Variants in TBC1D8 observed in about 807,000 individuals in gnomAD.
The protein encoded by TBC1D8 is TBC1 domain family member 8, also known as BUB2-like protein 1.
A neutral mutation model predicts 118.8 loss-of-function variants in TBC1D8; 65 were observed. That is an observed-to-expected ratio of 0.55 (90% CI 0.45 to 0.67). The LOEUF is 0.67. Ranked by LOEUF, TBC1D8 falls within the 30% of genes least tolerant of loss-of-function variation. The probability of loss-of-function intolerance (pLI) is 0.00; values close to 1 mark genes in which losing one functional copy is unlikely to be tolerated. For synonymous variants in TBC1D8, 566 were observed against 595.8 expected (o/e 0.95, Z 0.73); for missense variants, 1,376 against 1,471.2 (o/e 0.94, Z 1.06).
chr2:101,118,113 T>C (rs1339439148), intron 1 of TBC1D8, among the ~76,000 whole-genome samples: 1 of 152,072 alleles, frequency 6.6e-6, no homozygotes, highest in Non-Finnish European at 1.5e-5. Context: ...CTGAGCTCCC[T>C]TCAACATGGG....
At position 101,032,352 on chromosome 2, in the gene TBC1D8, A is replaced by ACAG; in HGVS notation, c.1849_1851dup (p.Leu617dup). 6.2e-7 allele frequency: 1 copy of ACAG among 1,613,858 alleles called. No homozygotes were observed. The highest frequency in any genetic ancestry group is 8.5e-7 in the Non-Finnish European group (1 of 1,179,760). ...CAGAAGGCTTCCTCCTCCTTGGTGT[A>ACAG]CAGCAGCAGCACGGAGGTCAGGATG... On this transcript the variant is annotated inframe_insertion, in exon 11 of 20. Coordinates refer to ENST00000409318, the MANE Select transcript of TBC1D8 (RefSeq NM_001330348.2).
At chr2:101,111,463 G>A (rs1213107980) in intron 1 of TBC1D8, among the ~76,000 whole-genome samples, 1 of 152,204 alleles carries the variant, frequency 6.6e-6, no homozygotes, top group African/African-American at 2.4e-5. Flanking sequence ...GCCTGAGTGT[G>A]TGCGCGAGTG....
At chr2:101,092,097 A>G (rs1448723264) in intron 1 of TBC1D8, among the ~76,000 whole-genome samples, 2 of 152,254 alleles carry the variant, frequency 1.3e-5, no homozygotes, top group Admixed American at 6.5e-5. Flanking sequence ...TCCTTTTGCT[A>G]CAATGGATCC....
At chr2:101,019,218 C>T (rs1679876820) in intron 17 of TBC1D8, 1 of 634,680 alleles carries the variant, frequency 1.6e-6, no homozygotes. Context: ...TGTCTTCTGC[C>T]CTTGCCTCTT....
rs1423013310 is a variant in TBC1D8 at position 101,151,379 on chromosome 2, C to G, written c.-126G>C. 1 of 947,910 alleles carries G rather than the reference C, an allele frequency of 1.1e-6. No individual in the cohort carries two copies. The highest frequency in any genetic ancestry group is 1.8e-5 in the African/African-American group (1 of 55,936). The allele number at this position is 947,910 out of a possible 1,614,324, so 58.7% of individuals were successfully genotyped here. A position where few individuals can be genotyped will look rare whatever the true frequency, so the allele number is the denominator to read the frequency against. The stretch of plus-strand genomic sequence containing the variant: ...ACCACAGCCCGGCCGGTGCCCAGCG[C>G]TCTGAGAGCCCGCGGAGCGCAGCAG... On this transcript the variant is annotated 5_prime_UTR_variant, in exon 1 of 20. Coordinates refer to ENST00000409318, the MANE Select transcript of TBC1D8 (RefSeq NM_001330348.2).
intron 2 of TBC1D8, among the ~76,000 whole-genome samples, chr2:101,089,868 G>A (rs1675901685): frequency 6.6e-6 from 1 of 150,958 alleles, no homozygotes; most frequent in Admixed American, 6.6e-5. Context: ...ATGAAAGCCT[G>A]GCATGCCCAA....
At chr2:101,021,315 G>T (rs1163074561) in intron 17 of TBC1D8, among the ~76,000 whole-genome samples, 1 of 152,176 alleles carries the variant, frequency 6.6e-6, no homozygotes, top group Non-Finnish European at 1.5e-5. Flanking sequence ...ACATGAAATG[G>T]TTCTTCAGAT....
intron 17 of TBC1D8, among the ~76,000 whole-genome samples, chr2:101,020,765 G>A (rs1679983350): frequency 1.3e-5 from 2 of 152,180 alleles, no homozygotes. Context: ...GCTGCTCTGA[G>A]TAATATTTTG....
chr2:101,123,299 G>C (rs1574065332), intron 1 of TBC1D8, among the ~76,000 whole-genome samples: 1 of 152,132 alleles, frequency 6.6e-6, no homozygotes, highest in East Asian at 1.9e-4. Context: ...AATTGGACTT[G>C]CTCCTTCCCA....
chr2:101,051,559 C>T (rs1457230880), intron 4 of TBC1D8, among the ~76,000 whole-genome samples: 1 of 152,004 alleles, frequency 6.6e-6, no homozygotes, highest in Non-Finnish European at 1.5e-5. Flanking sequence ...CTAGATATCT[C>T]ACAAAGGTCT....
intron 15 of TBC1D8, among the ~76,000 whole-genome samples, chr2:101,026,310 G>A (rs999082720): frequency 3.9e-5 from 6 of 152,234 alleles, no homozygotes; most frequent in South Asian, 2.1e-4. Context: ...AAAATGAGGC[G>A]GGGGTTGGGA....
At chr2:101,009,827 C>CTT (rs1202991001) in intron 19 of TBC1D8, among the ~76,000 whole-genome samples, 3 of 121,840 alleles carry the variant, frequency 2.5e-5, no homozygotes, top group Admixed American at 1.6e-4. Flanking sequence ...GGAGCTTTTT[C>CTT]TTTTTTTTTT....
chr2:101,085,495 T>C (rs1202176902), intron 2 of TBC1D8, among the ~76,000 whole-genome samples: 1 of 152,166 alleles, frequency 6.6e-6, no homozygotes, highest in African/African-American at 2.4e-5. Context: ...ATGCCAGTCC[T>C]CCTTGCCCTG....
intron 17 of TBC1D8, among the ~76,000 whole-genome samples, chr2:101,016,614 C>T (rs1184454520): frequency 6.6e-6 from 1 of 152,124 alleles, no homozygotes; most frequent in Non-Finnish European, 1.5e-5. Context: ...GCTATAAAGA[C>T]ACATGCACAC....
intron 1 of TBC1D8, among the ~76,000 whole-genome samples, chr2:101,137,514 G>A (rs1236663685): frequency 2.0e-5 from 3 of 151,976 alleles, no homozygotes; most frequent in African/African-American, 4.8e-5. Flanking sequence ...GGGTTTCACC[G>A]TGTTAGCTAG....
intron 2 of TBC1D8, among the ~76,000 whole-genome samples, chr2:101,060,257 C>T (rs1209898478): frequency 6.6e-6 from 1 of 152,214 alleles, no homozygotes; most frequent in Non-Finnish European, 1.5e-5. Flanking sequence ...GCAAAGTTCT[C>T]CCATGAAAAC....
chr2:101,095,411 C>T (rs1029771740), intron 1 of TBC1D8, among the ~76,000 whole-genome samples: 5 of 137,172 alleles, frequency 3.6e-5, no homozygotes, highest in African/African-American at 1.1e-4. Context: ...CCTCCCCCCA[C>T]CCCACAACAG....
intron 5 of TBC1D8, among the ~76,000 whole-genome samples, chr2:101,049,975 T>C (rs1401635225): frequency 3.3e-5 from 5 of 151,750 alleles, no homozygotes; most frequent in Non-Finnish European, 5.9e-5. Context: ...TACAGGCGCC[T>C]GCCACCACAC....
intron 1 of TBC1D8, among the ~76,000 whole-genome samples, 198 bp downstream of exon 1, chr2:101,150,929 C>A (rs2104295350): frequency 6.6e-6 from 1 of 152,242 alleles, no homozygotes; most frequent in African/African-American, 2.4e-5. Context: ...GCCCGGGAGC[C>A]CCCTCTACCA....
Sources: gnomAD v4.1 joint callset for allele counts (sites outside exome capture counted in the v4.1 genomes callset) on GRCh38, gnomAD v4.1.1 for gene constraint, MANE v1.5 for transcripts, NCBI Gene and HGNC (gene_info 2026-07-23, HGNC 2026-07-21) for gene names.